The following MBNL2 variants were observed in gnomAD, a reference collection of about 807,000 sequenced individuals.
MBNL2 encodes the protein muscleblind-like protein 2.
In MBNL2, 17 loss-of-function variants were observed where a neutral mutation model predicts 41.9. The observed-to-expected ratio is 0.41, with a 90% CI of 0.28 to 0.61. The LOEUF is 0.61. MBNL2 is among the 20% of genes least tolerant of loss of function. The probability of loss-of-function intolerance (pLI) is 0.35; values close to 1 mark genes in which losing one functional copy is unlikely to be tolerated. For missense variants in MBNL2, 336 were observed against 505.6 expected, an observed-to-expected ratio of 0.66 and a Z score of 3.22; for synonymous variants, 195 against 182.9, an observed-to-expected ratio of 1.07 and a Z score of -0.53.
chr13:97,211,094 C>T, the MBNL2 span, among the ~76,000 whole-genome samples: 1 of 152,036 alleles, frequency 6.6e-6, no homozygotes, highest in Admixed American at 6.5e-5. Context: ...TTTTGAGGAG[C>T]CACAAACTTC....
intron 1 of MBNL2, among the ~76,000 whole-genome samples, chr13:97,271,722 G>A (rs2051073628): frequency 6.6e-6 from 1 of 152,134 alleles, no homozygotes; most frequent in Non-Finnish European, 1.5e-5. Context: ...GAGGATGATA[G>A]CTTCCAGCTT....
chr13:97,240,870 C>G (rs1279349664), intron 1 of MBNL2, among the ~76,000 whole-genome samples: 2 of 152,168 alleles, frequency 1.3e-5, no homozygotes, highest in African/African-American at 4.8e-5. Context: ...ATGCCTTGAG[C>G]TGTTTTGGCA....
chr13:97,348,662 G>C (rs1378925855), intron 5 of MBNL2, among the ~76,000 whole-genome samples: 1 of 152,164 alleles, frequency 6.6e-6, no homozygotes, highest in African/African-American at 2.4e-5. Context: ...GATAGAAATA[G>C]TTAATCGGGT....
At chr13:97,252,142 G>A (rs1223073894) in intron 1 of MBNL2, among the ~76,000 whole-genome samples, 1 of 152,046 alleles carries the variant, frequency 6.6e-6, no homozygotes, top group Non-Finnish European at 1.5e-5. Flanking sequence ...GAGCCACCGC[G>A]CCCGGCCGTA....
intron 2 of MBNL2, among the ~76,000 whole-genome samples, chr13:97,320,576 C>T (rs2059418921): frequency 6.6e-6 from 1 of 151,996 alleles, no homozygotes; most frequent in South Asian, 2.1e-4. Context: ...TATTTTAGAC[C>T]TCTCTCACAG....
intron 1 of MBNL2, among the ~76,000 whole-genome samples, chr13:97,272,255 T>G (rs1487503400): frequency 6.6e-6 from 1 of 152,054 alleles, no homozygotes; most frequent in African/African-American, 2.4e-5. Context: ...TCCATTGCCC[T>G]TTTCATATCC....
At chr13:97,230,883 C>A (rs985897309) in intron 1 of MBNL2, among the ~76,000 whole-genome samples, 32 of 152,168 alleles carry the variant, frequency 2.1e-4, no homozygotes, top group African/African-American at 7.0e-4. Context: ...GTTAAGGGAA[C>A]CTTTGTAGCT....
chr13:97,256,116 TA>T (rs896619910), intron 1 of MBNL2, among the ~76,000 whole-genome samples: 2 of 151,814 alleles, frequency 1.3e-5, no homozygotes, highest in Non-Finnish European at 2.9e-5. Context: ...GAAGACAAAA[TA>T]AAAAAAATTA....
At chr13:97,164,196 C>G in the MBNL2 span, among the ~76,000 whole-genome samples, 2 of 152,028 alleles carry the variant, frequency 1.3e-5, no homozygotes, top group Non-Finnish European at 2.9e-5. Context: ...TTATTAGAGA[C>G]GGGGTTTCGC....
At chr13:97,225,656 A>G (rs1016115267) in intron 1 of MBNL2, among the ~76,000 whole-genome samples, 2 of 152,188 alleles carry the variant, frequency 1.3e-5, no homozygotes, top group Non-Finnish European at 2.9e-5. Flanking sequence ...TCAACAAGCA[A>G]GAAAGCCCAG....
At chr13:97,360,298 T>G (rs529903416) in intron 7 of MBNL2, among the ~76,000 whole-genome samples, 2 of 152,250 alleles carry the variant, frequency 1.3e-5, no homozygotes, top group Non-Finnish European at 2.9e-5. Context: ...GCCTCCAGGT[T>G]GCAAAGATAT....
chr13:97,178,315 A>G, the MBNL2 span, among the ~76,000 whole-genome samples: 1 of 152,234 alleles, frequency 6.6e-6, no homozygotes, highest in Non-Finnish European at 1.5e-5. Flanking sequence ...ATACAGTTCT[A>G]TGAGACAGTA....
At chr13:97,141,981 G>C in the MBNL2 span, among the ~76,000 whole-genome samples, 1 of 152,008 alleles carries the variant, frequency 6.6e-6, no homozygotes, top group African/African-American at 2.4e-5. Flanking sequence ...CTAAAGTAAG[G>C]CACTGCTAGT....
Position 97,392,406 on chromosome 13 carries a change from CT to C in MBNL2, c.*962del, listed in dbSNP as rs1420430524. ...TGTAAACAAAAAGTAGATAGTTTCACTTTTTAAAAAATCCATTACTGTTTTG... is the reference window on the plus strand; with the variant it reads ...TGTAAACAAAAAGTAGATAGTTTCACTTTTAAAAAATCCATTACTGTTTTG... On this transcript the variant is annotated 3_prime_UTR_variant, in exon 9 of 9. Coordinates refer to ENST00000679496, the MANE Select transcript of MBNL2 (RefSeq NM_001382683.1). 6.6e-6 allele frequency: 1 copy of C among 152,490 alleles called. No individual in the cohort carries two copies. The highest frequency in any genetic ancestry group is 2.4e-5 in the African/African-American group (1 of 41,424). The allele number at this position is 152,490 out of a possible 1,614,324, so 9.4% of individuals were successfully genotyped here. A position where few individuals can be genotyped will look rare whatever the true frequency, so the allele number is the denominator to read the frequency against.
rs200065788 is a variant in MBNL2 at position 97,342,984 on chromosome 13, A to C, written c.340-32A>C. ...ATTTTTTAAAGTTTTATTCTAAATAACTCTTTCTCCTGTGTTGTCTTCCTT... is the reference window on the plus strand; with the variant it reads ...ATTTTTTAAAGTTTTATTCTAAATACCTCTTTCTCCTGTGTTGTCTTCCTT... On this transcript the variant is annotated intron_variant, in intron 3 of 8. Coordinates refer to ENST00000679496, the MANE Select transcript of MBNL2 (RefSeq NM_001382683.1). The C allele has an allele frequency of 1.6e-5, 22 of 1,368,248 alleles. No homozygotes were observed. In the East Asian group the frequency reaches 4.8e-4, roughly 30 times the overall value. 84.8% of individuals were successfully genotyped at this position (1,368,248 alleles called of 1,614,324 possible).
chr13:97,187,754 A>G, the MBNL2 span, among the ~76,000 whole-genome samples: 2 of 151,954 alleles, frequency 1.3e-5, no homozygotes, highest in Admixed American at 6.6e-5. Flanking sequence ...AAAAATACAA[A>G]AAATTAGCCG....
At chr13:97,375,132 C>G (rs1231859495) in intron 8 of MBNL2, among the ~76,000 whole-genome samples, 1 of 152,170 alleles carries the variant, frequency 6.6e-6, no homozygotes, top group Non-Finnish European at 1.5e-5. Flanking sequence ...GCTCCACTTA[C>G]CAAACACATA....
chr13:97,357,873 A>G (rs1416816249), intron 7 of MBNL2: 1 of 558,988 alleles, frequency 1.8e-6, no homozygotes, highest in Non-Finnish European at 3.2e-6. Flanking sequence ...CATGAGAAAC[A>G]GCAGTTAGGG....
intron 1 of MBNL2, among the ~76,000 whole-genome samples, chr13:97,258,939 C>G (rs934158929): frequency 6.6e-6 from 1 of 152,166 alleles, no homozygotes; most frequent in African/African-American, 2.4e-5. Context: ...AAGGCCTGCT[C>G]TCTCTGGCCT....
Sources: allele counts gnomAD v4.1 joint callset (sites outside exome capture counted in the v4.1 genomes callset), GRCh38; gene constraint gnomAD v4.1.1; transcripts MANE v1.5; gene names NCBI Gene and HGNC (gene_info 2026-07-23, HGNC 2026-07-21).